ANO3: variants seen among roughly 807,000 people sequenced by gnomAD.
The protein encoded by ANO3 is anoctamin-3.
Under a neutral mutation model 144.8 loss-of-function variants are expected in ANO3, and 99 were observed. That is an observed-to-expected ratio of 0.68 (90% CI 0.58 to 0.81). The LOEUF (loss-of-function observed/expected upper bound fraction) is 0.81, where lower values mean the gene tolerates loss of function less well. ANO3 is among the 30% of genes least tolerant of loss of function. ANO3 has a pLI of 0.00. For missense variants in ANO3, 905 were observed against 1,202.2 expected (o/e 0.75, Z 3.66); for synonymous variants, 414 against 392.6 (o/e 1.05, Z -0.64).
At chr11:26,224,171 C>CA (rs34065717) in intron 1 of ANO3, among the ~76,000 whole-genome samples, 45,992 of 151,976 alleles carry the variant, frequency 0.3, 7,693 homozygotes, top group Non-Finnish European at 0.37. Flanking sequence ...TTGCTCCTCT[C>CA]GGTAACCAAG....
intron 1 of ANO3, among the ~76,000 whole-genome samples, chr11:26,278,336 G>A (rs1170838007): frequency 6.6e-6 from 1 of 152,104 alleles, no homozygotes; most frequent in Non-Finnish European, 1.5e-5. Flanking sequence ...ACTGCTACTT[G>A]CTACCCTATT....
intron 1 of ANO3, among the ~76,000 whole-genome samples, chr11:26,439,135 A>C (rs1858418547): frequency 6.6e-6 from 1 of 152,168 alleles, no homozygotes; most frequent in African/African-American, 2.4e-5. Flanking sequence ...GAAAAGAATA[A>C]AGTTGGAGCC....
At chr11:26,387,130 A>ATTTTTTTTTTTTTTTTTTTT in intron 1 of ANO3, among the ~76,000 whole-genome samples, 1 of 128,342 alleles carries the variant, frequency 7.8e-6, no homozygotes, top group African/African-American at 2.7e-5. Context: ...CAAATGTAGT[A>ATTTTTTTTTTTTTTTTTTTT]TTTTTTTTTT....
chr11:26,621,521 T>G (rs968980623), intron 17 of ANO3, among the ~76,000 whole-genome samples: 4 of 152,136 alleles, frequency 2.6e-5, no homozygotes, highest in Non-Finnish European at 5.9e-5. Context: ...TTATTCAGGC[T>G]TTTAAGAGGC....
chr11:26,451,895 G>A (rs536550143), intron 3 of ANO3, among the ~76,000 whole-genome samples: 1 of 152,142 alleles, frequency 6.6e-6, no homozygotes, highest in Non-Finnish European at 1.5e-5. Context: ...AAAACTTCCA[G>A]AGGAACAATC....
In ANO3 at chr11:26,638,087, G is replaced by A. The variant is rs962427855; in HGVS notation, c.2044-1057G>A. On this transcript the variant is annotated intron_variant, in intron 20 of 26. Coordinates refer to ENST00000256737, the MANE Select transcript of ANO3 (RefSeq NM_031418.4). ...ATCATACTGATGAATTATTTTTGTG[G>A]TGTTGCATTTATCACTTAAAAATGC... Among the ~76,000 whole-genome samples the A allele has an allele frequency of 8.5e-5, 13 of 152,104 alleles. 1 individual carries two copies. The highest frequency in any genetic ancestry group is 3.1e-4 in the African/African-American group (13 of 41,418).
chr11:26,247,242 A>G (rs1214877118), intron 1 of ANO3, among the ~76,000 whole-genome samples: 1 of 151,362 alleles, frequency 6.6e-6, no homozygotes, highest in Non-Finnish European at 1.5e-5. Context: ...GACTCAAAGT[A>G]TATTTTTTAT....
At chr11:26,549,989 T>C (rs2134223045) in intron 12 of ANO3, among the ~76,000 whole-genome samples, 1 of 151,990 alleles carries the variant, frequency 6.6e-6, no homozygotes, top group East Asian at 1.9e-4. Context: ...CCCTGTAATG[T>C]GTAAAGTACA....
chr11:26,539,092 G>C (rs570722383), intron 10 of ANO3, among the ~76,000 whole-genome samples: 1 of 151,268 alleles, frequency 6.6e-6, no homozygotes, highest in Non-Finnish European at 1.5e-5. Flanking sequence ...ATGTCTTGTG[G>C]AGTTTGGTGT....
chr11:26,191,817 AT>A (rs948827124), intron 1 of ANO3, among the ~76,000 whole-genome samples: 2 of 151,882 alleles, frequency 1.3e-5, no homozygotes, highest in Non-Finnish European at 2.9e-5. Flanking sequence ...GTGTAAAGGG[AT>A]TTTTTTTCCT....
At chr11:26,500,803 A>T (rs954470432) in intron 4 of ANO3, among the ~76,000 whole-genome samples, 1 of 151,822 alleles carries the variant, frequency 6.6e-6, no homozygotes, top group Non-Finnish European at 1.5e-5. Flanking sequence ...CACCAAAAAA[A>T]GAAAAACACC....
At chr11:26,456,034 A>T (rs1452180391) in intron 3 of ANO3, among the ~76,000 whole-genome samples, 3 of 151,598 alleles carry the variant, frequency 2.0e-5, no homozygotes, top group Non-Finnish European at 2.9e-5. Flanking sequence ...TAGAAAGCTG[A>T]AACTGGATCC....
chr11:26,589,509 G>A (rs1009278229), intron 14 of ANO3, among the ~76,000 whole-genome samples: 10 of 150,596 alleles, frequency 6.6e-5, no homozygotes, highest in African/African-American at 2.4e-4. Context: ...CATATTCACA[G>A]AGCCGCACAA....
intron 1 of ANO3, among the ~76,000 whole-genome samples, chr11:26,297,567 G>A (rs1043208572): frequency 1.3e-5 from 2 of 152,094 alleles, no homozygotes; most frequent in Non-Finnish European, 2.9e-5. Flanking sequence ...TTTCCAAGAT[G>A]ATAATTCATT....
At position 26,643,075 on chromosome 11, in the gene ANO3, A is replaced by T. The variant is rs1413138366; in HGVS notation, c.2276-107A>T. On this transcript the variant is annotated intron_variant, in intron 22 of 26. Transcript: ENST00000256737. ...CCTAACTGTAAAATGAGATAAAGCTATCTACTTTGTAAGGATGTTGAAAGC... is the reference window on the plus strand; with the variant it reads ...CCTAACTGTAAAATGAGATAAAGCTTTCTACTTTGTAAGGATGTTGAAAGC... The T allele has an allele frequency of 1.1e-4, 107 of 947,236 alleles. 1 individual carries two copies. The highest frequency in any genetic ancestry group is 4.9e-6 in the Non-Finnish European group (3 of 614,090). The allele number at this position is 947,236 out of a possible 1,614,324, so 58.7% of individuals were successfully genotyped here.
At chr11:26,380,129 G>A (rs149159759) in intron 1 of ANO3, among the ~76,000 whole-genome samples, 3 of 152,116 alleles carry the variant, frequency 2.0e-5, no homozygotes, top group Non-Finnish European at 2.9e-5. Flanking sequence ...GGTACCAGTC[G>A]CTTATCTGCC....
intron 6 of ANO3, among the ~76,000 whole-genome samples, chr11:26,522,289 A>C (rs1862114915): frequency 6.6e-6 from 1 of 152,208 alleles, no homozygotes. Flanking sequence ...TGCAAAAATA[A>C]TATGAAATAT....
chr11:26,534,641 T>A, intron 9 of ANO3, 79 bp downstream of exon 9: 1 of 955,192 alleles, frequency 1.0e-6, no homozygotes, highest in Non-Finnish European at 1.6e-6. Flanking sequence ...TTAACAGCTG[T>A]AGCTTTGCTT....
At chr11:26,407,747 A>G (rs1421131051) in intron 1 of ANO3, among the ~76,000 whole-genome samples, 1 of 151,806 alleles carries the variant, frequency 6.6e-6, no homozygotes, top group Non-Finnish European at 1.5e-5. Flanking sequence ...TAAAGTTTAA[A>G]TTCCTCAATA....
Sources: allele counts gnomAD v4.1 joint callset (sites outside exome capture counted in the v4.1 genomes callset), GRCh38; gene constraint gnomAD v4.1.1; transcripts MANE v1.5; gene names NCBI Gene and HGNC (gene_info 2026-07-23, HGNC 2026-07-21).